AXIN2: variants seen among roughly 807,000 people sequenced by gnomAD.
AXIN2 encodes axin 2, also known as axin-2.
AXIN2 carries 21 observed loss-of-function variants against 74.7 expected under a neutral mutation model. The ratio of observed to expected loss-of-function variants is 0.28; its 90% CI spans 0.20 to 0.40. The LOEUF (loss-of-function observed/expected upper bound fraction) is 0.40. AXIN2 is among the 10% of genes least tolerant of loss of function. AXIN2 has a pLI of 1.00. For synonymous variants in AXIN2, 532 were observed against 454.9 expected (o/e 1.17, Z -2.16); for missense variants, 1,144 against 1,111.1 (o/e 1.03, Z -0.42).
Position 65,557,327 on chromosome 17 carries a change from C to CA in AXIN2, c.815+478dup, listed in dbSNP as rs201425181. On this transcript the variant is annotated intron_variant, in intron 2 of 10. Coordinates refer to ENST00000307078, the MANE Select transcript of AXIN2 (RefSeq NM_004655.4). The stretch of plus-strand genomic sequence containing the variant: ...TGGCTCTTATCTTAACAGAAAAGTT[C>CA]AAAAAAAAATCCCACTTACCCCTCA... Among the ~76,000 whole-genome samples, 228 of 151,422 alleles carry CA rather than the reference C, an allele frequency of 1.5e-3. 1 individual carries two copies. The highest frequency in any genetic ancestry group is 0.01 in the Middle Eastern group (3 of 292).
intron 10 of AXIN2, among the ~76,000 whole-genome samples, chr17:65,532,378 C>T (rs1160093802): frequency 1.3e-5 from 2 of 152,336 alleles, no homozygotes; most frequent in Admixed American, 1.3e-4. Context: ...CCCAGAGGGA[C>T]ACACTTGTGT....
At chr17:65,543,674 T>TG (rs1371516575) in intron 3 of AXIN2, among the ~76,000 whole-genome samples, 3 of 152,180 alleles carry the variant, frequency 2.0e-5, no homozygotes, top group Non-Finnish European at 4.4e-5. Context: ...AACCTACACT[T>TG]GGTCATTTCA....
intron 3 of AXIN2, among the ~76,000 whole-genome samples, chr17:65,547,883 T>G (rs568353157): frequency 6.6e-6 from 1 of 152,200 alleles, no homozygotes; most frequent in African/African-American, 2.4e-5. Flanking sequence ...GATAACCCTA[T>G]GCACCCTCAT....
At chr17:65,549,461 A>G in intron 3 of AXIN2, 59 bp downstream of exon 3, 1 of 1,605,560 alleles carries the variant, frequency 6.2e-7, no homozygotes, top group Non-Finnish European at 8.5e-7. Flanking sequence ...ATTCTGGCTA[A>G]GTGCTCAGGT....
intron 4 of AXIN2, among the ~76,000 whole-genome samples, chr17:65,539,941 G>A (rs1239743754): frequency 2.6e-5 from 4 of 152,188 alleles, no homozygotes; most frequent in Non-Finnish European, 5.9e-5. Context: ...AGCAAGCATG[G>A]AAATAAAAGC....
intron 5 of AXIN2, 145 bp downstream of exon 5, chr17:65,538,058 A>C (rs2043970786): frequency 1.4e-6 from 2 of 1,465,816 alleles, no homozygotes; most frequent in Non-Finnish European, 1.9e-6. Flanking sequence ...GCCCACGCCC[A>C]GGCACACACC....
chr17:65,549,440 G>T lies in AXIN2; in HGVS notation c.956+80C>A. The T allele has an allele frequency of 1.1e-5, 18 of 1,579,826 alleles. 1 individual carries two copies. The South Asian group carries it at 1.9e-4, about 17-fold the overall frequency. On this transcript the variant is annotated intron_variant, in intron 3 of 10. Transcript: ENST00000307078. ...GGTGCGGTCTGCAAAGCCAGCTGAG[G>T]ATGACAGACGATTCTGGCTAAGTGC...
chr17:65,557,713 A>T, intron 2 of AXIN2, 93 bp downstream of exon 2: 1 of 1,301,870 alleles, frequency 7.7e-7, no homozygotes, highest in Non-Finnish European at 1.1e-6. Flanking sequence ...CAGACCTGTC[A>T]GTCTCTGCAG....
chr17:65,554,905 C>T (rs1239700810), intron 2 of AXIN2, among the ~76,000 whole-genome samples: 2 of 152,146 alleles, frequency 1.3e-5, no homozygotes, highest in South Asian at 2.1e-4. Context: ...GCACACACCT[C>T]GACACTGTGC....
intron 10 of AXIN2, 106 bp from the exon 11 acceptor site, chr17:65,530,208 T>C: frequency 1.4e-6 from 2 of 1,476,936 alleles, no homozygotes; most frequent in Non-Finnish European, 9.3e-7. Flanking sequence ...GAATTTGCTA[T>C]GGCAGGTGTG....
At chr17:65,544,237 A>G (rs986514711) in intron 3 of AXIN2, among the ~76,000 whole-genome samples, 2 of 151,688 alleles carry the variant, frequency 1.3e-5, no homozygotes, top group African/African-American at 4.8e-5. Context: ...TAGAGCTTTT[A>G]TGCCTCTTTT....
chr17:65,539,933 C>A (rs1598102657), intron 4 of AXIN2, among the ~76,000 whole-genome samples: 1 of 152,174 alleles, frequency 6.6e-6, no homozygotes, highest in East Asian at 1.9e-4. Flanking sequence ...GCTGCTTTAG[C>A]AAGCATGGAA....
At chr17:65,532,813 G>A (rs2043845740) in intron 10 of AXIN2, among the ~76,000 whole-genome samples, 1 of 152,218 alleles carries the variant, frequency 6.6e-6, no homozygotes, top group African/African-American at 2.4e-5. Context: ...ATAGACTGTG[G>A]TCCTGGCACA....
chr17:65,537,556 G>A lies in AXIN2; in HGVS notation c.1480C>T (p.Pro494Ser), dbSNP rs1598099027. The stretch of plus-strand genomic sequence containing the variant: ...CCCCCGAGGAGGGGGCAGGCGCCCG[G>A]CGAGGCGGCCGCGGGAGGCAGCTTG... ...GGKLPPAAAS[P>S]GACPLLGGKG... Residue 494 changes from proline to serine, a missense_variant, in exon 6 of 11, where the codon CCG becomes TCG. Physicochemically the swap from Pro to Ser is moderately conservative, Grantham distance 74. Transcript: ENST00000307078. The A allele has an allele frequency of 6.2e-7, 1 of 1,612,298 alleles. No homozygotes were observed.
rs1349969629 is a variant in AXIN2 at position 65,537,816 on chromosome 17, G to A, written c.1220C>T (p.Ser407Phe). 6.4e-7 allele frequency: 1 copy of A among 1,573,982 alleles called. No individual in the cohort carries two copies. Among genetic ancestry groups the A allele is most frequent in the Non-Finnish European group, 8.6e-7 (1 of 1,160,476 alleles). The change falls in exon 6 of 11, where the codon TCC becomes TTC. Residue 407 changes from serine to phenylalanine, a missense_variant. Physicochemically the swap from Ser to Phe is radical, Grantham distance 155. Around this residue, in one of 4 missense-constraint regions of AXIN2, gnomAD observed 1,053 missense variants for 973.5 expected, o/e 1.08. Coordinates refer to ENST00000307078, the MANE Select transcript of AXIN2 (RefSeq NM_004655.4). ...CTCCCGCGAATTGAGTGTGAGCTCG[G>A]AGCCCTCTCTCTCTTCATCCTGAAA... ...QIREDEEREG[S>F]ELTLNSREGA...
At position 65,529,682 on chromosome 17, in the gene AXIN2, A is replaced by G; in HGVS notation, c.*294T>C. 2.1e-6 allele frequency: 1 copy of G among 473,174 alleles called. No individual in the cohort carries two copies. Among genetic ancestry groups the G allele is most frequent in the Non-Finnish European group, 3.9e-6 (1 of 256,780 alleles). 29.3% of individuals were successfully genotyped at this position (473,174 alleles called of 1,614,324 possible). On this transcript the variant is annotated 3_prime_UTR_variant, in exon 11 of 11. Transcript: ENST00000307078. The stretch of plus-strand genomic sequence containing the variant: ...ATGGATTTCAGATCCCTAGGAAGTC[A>G]TATATTATGTATGGCAGTCTCTCAA...
intron 10 of AXIN2, among the ~76,000 whole-genome samples, chr17:65,532,981 A>T (rs1480674915): frequency 6.6e-6 from 1 of 152,194 alleles, no homozygotes; most frequent in Admixed American, 6.5e-5. Flanking sequence ...GAATCCACAC[A>T]TTCTCTTGGG....
intron 2 of AXIN2, among the ~76,000 whole-genome samples, chr17:65,549,908 G>A (rs1316562509): frequency 6.6e-6 from 1 of 152,208 alleles, no homozygotes; most frequent in Non-Finnish European, 1.5e-5. Context: ...AGGGCAGAGA[G>A]TATTCCAGAG....
At chr17:65,542,245 T>G (rs1033681427) in intron 3 of AXIN2, among the ~76,000 whole-genome samples, 3 of 152,166 alleles carry the variant, frequency 2.0e-5, no homozygotes, top group Non-Finnish European at 4.4e-5. Context: ...AAGCCCCTAC[T>G]ATGTGGTGGT....
Sources: allele counts gnomAD v4.1 joint callset (sites outside exome capture counted in the v4.1 genomes callset), GRCh38; gene constraint gnomAD v4.1.1; regional missense constraint gnomAD v4.1.1; transcripts MANE v1.5; gene names NCBI Gene and HGNC (gene_info 2026-07-23, HGNC 2026-07-21).